Variants in ADGRB1 observed in about 807,000 individuals in gnomAD.
ADGRB1 encodes brain-specific angiogenesis inhibitor 1.
A neutral mutation model predicts 175.7 loss-of-function variants in ADGRB1; 36 were observed. That is an observed-to-expected ratio of 0.20 (90% confidence interval 0.16 to 0.27). The LOEUF is 0.27. Among genes scored for constraint, ADGRB1 ranks in the 10% least tolerant of loss-of-function variants. ADGRB1 has a pLI of 1.00. For missense variants in ADGRB1, 1,731 were observed against 2,255.3 expected (o/e 0.77, Z 4.71); for synonymous variants, 1,054 against 979.4 (o/e 1.08, Z -1.42).
chr8:142,517,714 G>A (rs1456683335), intron 18 of ADGRB1, among the ~76,000 whole-genome samples: 4 of 152,162 alleles, frequency 2.6e-5, no homozygotes, highest in Non-Finnish European at 2.9e-5. Flanking sequence ...CGGAGTCAAA[G>A]CGGCTGCTGC....
chr8:142,521,834 C>A, intron 20 of ADGRB1, 131 bp from the exon 21 acceptor site: 1 of 1,056,332 alleles, frequency 9.5e-7, no homozygotes, highest in Non-Finnish European at 1.4e-6. Flanking sequence ...TTGCCTTCTG[C>A]CTGGGGACCT....
chr8:142,543,254 C>A lies in ADGRB1; in HGVS notation c.4414-149C>A, dbSNP rs1396225558. 1 of 1,044,070 alleles carries A rather than the reference C, an allele frequency of 9.6e-7. No homozygotes were observed. The highest frequency in any genetic ancestry group is 1.4e-6 in the Non-Finnish European group (1 of 708,844). The allele number at this position is 1,044,070 out of a possible 1,614,324, so 64.7% of individuals were successfully genotyped here. A position where few individuals can be genotyped will look rare whatever the true frequency, so the allele number is the denominator to read the frequency against. On this transcript the variant is annotated intron_variant, in intron 28 of 30. Transcript: ENST00000517894. The surrounding 1 kb of genome is among the most constrained non-coding windows in gnomAD (Gnocchi z 4.4). Reference sequence around the variant, plus strand: ...CATAGCTGGAGGAGCTGCCTCAGTGCGCCCCCAGGCATGTCCCCTGGGTCT... The same window carrying A: ...CATAGCTGGAGGAGCTGCCTCAGTGAGCCCCCAGGCATGTCCCCTGGGTCT...
intron 2 of ADGRB1, among the ~76,000 whole-genome samples, chr8:142,466,827 G>A (rs532100489): frequency 4.6e-5 from 7 of 152,300 alleles, no homozygotes; most frequent in South Asian, 4.1e-4. Flanking sequence ...ACACCTGGCC[G>A]TGCATCTTGG....
In ADGRB1 at chr8:142,478,460, G is replaced by A. The variant is rs1029301230; in HGVS notation, c.1561+100G>A. ...GCGGGTGGGGGTAACCATGGGCCCC[G>A]GCATGTGACTGAGGAGGGAGTGGGG... On this transcript the variant is annotated intron_variant, in intron 7 of 30. Coordinates refer to ENST00000517894, the MANE Select transcript of ADGRB1 (RefSeq NM_001702.3). 45 of 1,330,140 alleles carry A rather than the reference G, an allele frequency of 3.4e-5. No individual in the cohort carries two copies. In the African/African-American group the frequency reaches 3.8e-4, roughly 11 times the overall value. The allele number at this position is 1,330,140 out of a possible 1,614,324, so 82.4% of individuals were successfully genotyped here.
chr8:142,450,570 C>T (rs1159910752), intron 1 of ADGRB1, among the ~76,000 whole-genome samples: 1 of 151,988 alleles, frequency 6.6e-6, no homozygotes, highest in South Asian at 2.1e-4. Context: ...CTCCGGAGAG[C>T]CCCCGAGCGT....
At chr8:142,529,025 C>T (rs143059421) in intron 24 of ADGRB1, among the ~76,000 whole-genome samples, 7 of 152,248 alleles carry the variant, frequency 4.6e-5, no homozygotes, top group African/African-American at 1.7e-4. Flanking sequence ...CACCCCCACC[C>T]CTGGTGCTGC....
chr8:142,509,130 C>G (rs1420201783), intron 17 of ADGRB1, among the ~76,000 whole-genome samples: 1 of 152,196 alleles, frequency 6.6e-6, no homozygotes, highest in African/African-American at 2.4e-5. Context: ...CCCCTGGGCC[C>G]GAATCTCAGG....
chr8:142,531,759 G>A (rs1048648116), intron 24 of ADGRB1, among the ~76,000 whole-genome samples: 8 of 152,176 alleles, frequency 5.3e-5, no homozygotes, highest in South Asian at 4.1e-4. Flanking sequence ...GATCCCTGCC[G>A]GACAGCATCA....
In ADGRB1 at chr8:142,492,061, C is replaced by G. The variant is rs538483228; in HGVS notation, c.2675+1246C>G. ...GGGGCTGGGTGTCATGACTCTCCACCTACCCACCACCCATCCACCCTCTCC... is the reference window on the plus strand; with the variant it reads ...GGGGCTGGGTGTCATGACTCTCCACGTACCCACCACCCATCCACCCTCTCC... On this transcript the variant is annotated intron_variant, in intron 17 of 30. Transcript: ENST00000517894. This position sits in a 1 kb window ranked among gnomAD's most constrained non-coding sequence, Gnocchi z 4.4. Among the ~76,000 whole-genome samples, 2 of 151,970 alleles carry G rather than the reference C, an allele frequency of 1.3e-5. No individual in the cohort carries two copies. The highest frequency in any genetic ancestry group is 2.9e-5 in the Non-Finnish European group (2 of 67,958).
rs1394067401 is a variant in ADGRB1 at position 142,510,497 on chromosome 8, G to A, written c.2676-435G>A. On this transcript the variant is annotated intron_variant, in intron 17 of 30. Coordinates refer to ENST00000517894, the MANE Select transcript of ADGRB1 (RefSeq NM_001702.3). The surrounding 1 kb of genome is among the most constrained non-coding windows in gnomAD (Gnocchi z 6.3). ...GCCCCGCGCCCCCAGGCCACACCCG[G>A]CTCGCACCCTCCCCGCTCCACGTGC... Among the ~76,000 whole-genome samples, 1 of 150,790 alleles carries A rather than the reference G, an allele frequency of 6.6e-6. No homozygotes were observed. The highest frequency in any genetic ancestry group is 1.5e-5 in the Non-Finnish European group (1 of 67,576).
At chr8:142,500,064 C>T (rs1291492273) in intron 17 of ADGRB1, among the ~76,000 whole-genome samples, 7 of 152,126 alleles carry the variant, frequency 4.6e-5, no homozygotes, top group Admixed American at 4.6e-4. Flanking sequence ...TCCCTCAGCA[C>T]GGACAGGTCT....
In ADGRB1 at chr8:142,477,298, GGGGCAGCGGACAGCCA is replaced by G. The variant is rs1841032153; in HGVS notation, c.1222+30_1222+45del. 1 of 1,582,178 alleles carries G rather than the reference GGGGCAGCGGACAGCCA, an allele frequency of 6.3e-7. No individual in the cohort carries two copies. Among genetic ancestry groups the G allele is most frequent in the African/African-American group, 1.3e-5 (1 of 74,316 alleles). ...GCCCAGGTGGGTGGGACCTTGGGCT[GGGGCAGCGGACAGCCA>G]GGGCAGCGGGGGGCCAGGGCAGCGG... On this transcript the variant is annotated intron_variant, in intron 5 of 30. Coordinates refer to ENST00000517894, the MANE Select transcript of ADGRB1 (RefSeq NM_001702.3).
chr8:142,453,168 G>A (rs947096581), intron 1 of ADGRB1, among the ~76,000 whole-genome samples: 1 of 152,094 alleles, frequency 6.6e-6, no homozygotes, highest in Non-Finnish European at 1.5e-5. Context: ...GTGAGCGCGC[G>A]TTTGCGTGCT....
intron 27 of ADGRB1, 51 bp downstream of exon 27, chr8:142,539,464 C>G: frequency 6.3e-7 from 1 of 1,577,782 alleles, no homozygotes; most frequent in Admixed American, 1.8e-5. Flanking sequence ...CCCTGCATGG[C>G]CCCACTCCAC....
intron 25 of ADGRB1, among the ~76,000 whole-genome samples, chr8:142,534,035 C>G (rs770759486): frequency 2.7e-4 from 41 of 152,222 alleles, no homozygotes; most frequent in Non-Finnish European, 3.1e-4. Flanking sequence ...GCCACCTCCC[C>G]CTTCCTGGGT....
At chr8:142,484,228 A>G (rs1056073106) in intron 12 of ADGRB1, among the ~76,000 whole-genome samples, 183 bp downstream of exon 12, 6 of 152,220 alleles carry the variant, frequency 3.9e-5, no homozygotes, top group African/African-American at 1.4e-4. Context: ...CTGTTTCCTC[A>G]TTTGTCTAAG....
intron 1 of ADGRB1, among the ~76,000 whole-genome samples, chr8:142,456,469 ACACT>A (rs1215731576): frequency 6.6e-6 from 1 of 152,174 alleles, no homozygotes; most frequent in Non-Finnish European, 1.5e-5. Flanking sequence ...TGCCACGTGC[ACACT>A]CACGTGTGCG....
chr8:142,472,206 G>A (rs936221984), intron 2 of ADGRB1, among the ~76,000 whole-genome samples: 1 of 152,198 alleles, frequency 6.6e-6, no homozygotes, highest in African/African-American at 2.4e-5. Flanking sequence ...AGCCAACTCG[G>A]GGTGCGGGCT....
chr8:142,510,241 G>A lies in ADGRB1; in HGVS notation c.2676-691G>A, dbSNP rs960744164. 1.7e-4 allele frequency among the ~76,000 whole-genome samples: 26 copies of A among 152,122 alleles called. No homozygotes were observed. The highest frequency in any genetic ancestry group is 1.0e-3 in the Admixed American group (16 of 15,288). On this transcript the variant is annotated intron_variant, in intron 17 of 30. Coordinates refer to ENST00000517894, the MANE Select transcript of ADGRB1 (RefSeq NM_001702.3). The surrounding 1 kb of genome is among the most constrained non-coding windows in gnomAD (Gnocchi z 6.3). Reference sequence around the variant, plus strand: ...ATGAAAAGCGGGGCAGTCGCGGCCCGTAGACAGCGGGCGGCTGGGTCAGAC... The same window carrying A: ...ATGAAAAGCGGGGCAGTCGCGGCCCATAGACAGCGGGCGGCTGGGTCAGAC...
Sources: gnomAD v4.1 joint callset for allele counts (sites outside exome capture counted in the v4.1 genomes callset) on GRCh38, gnomAD v4.1.1 for gene constraint, Gnocchi (gnomAD v3.1) non-coding constraint, MANE v1.5 for transcripts, NCBI Gene and HGNC (gene_info 2026-07-23, HGNC 2026-07-21) for gene names.